CDH4: variants seen among roughly 807,000 people sequenced by gnomAD.
CDH4 encodes the protein cadherin-4.
In CDH4, 33 loss-of-function variants were observed where a neutral mutation model predicts 86.0. The ratio of observed to expected loss-of-function variants is 0.38; its 90% CI spans 0.29 to 0.51. The LOEUF is 0.51. Among genes scored for constraint, CDH4 ranks in the 20% least tolerant of loss-of-function variants. CDH4 has a pLI of 0.86. For missense variants in CDH4, 1,114 were observed against 1,307.4 expected (o/e 0.85, Z 2.28); for synonymous variants, 555 against 549.4 (o/e 1.01, Z -0.14).
At position 61,565,296 on chromosome 20, in the gene CDH4, TGGC is replaced by T. The variant is rs140699675; in HGVS notation, c.170-178264_170-178262del. On this transcript the variant is annotated intron_variant, in intron 2 of 15. Transcript: ENST00000614565. The stretch of plus-strand genomic sequence containing the variant: ...CCTCTTGGTGATGGGGTGATGGTGG[TGGC>T]GGTGCTCTTGGTGGTGGCGGTGCTC... Among the ~76,000 whole-genome samples the T allele has an allele frequency of 3.5e-3, 191 of 54,192 alleles. 15 individuals carry two copies. The highest frequency in any genetic ancestry group is 5.1e-3 in the Non-Finnish European group (137 of 26,876). 35.6% of individuals were successfully genotyped at this position (54,192 alleles called of 152,430 possible).
At chr20:61,764,362 T>C (rs2088673724) in intron 3 of CDH4, among the ~76,000 whole-genome samples, 1 of 152,224 alleles carries the variant, frequency 6.6e-6, no homozygotes, top group Non-Finnish European at 1.5e-5. Context: ...CATTTACCTC[T>C]CATCACTTCC....
chr20:61,567,555 T>TG (rs1297482157), intron 2 of CDH4, among the ~76,000 whole-genome samples: 2 of 152,174 alleles, frequency 1.3e-5, no homozygotes, highest in Admixed American at 6.5e-5. Flanking sequence ...ATCATCACCT[T>TG]GGGGCTTAGG....
At chr20:61,519,689 G>A (rs2085853964) in intron 2 of CDH4, among the ~76,000 whole-genome samples, 1 of 152,258 alleles carries the variant, frequency 6.6e-6, no homozygotes, top group Non-Finnish European at 1.5e-5. Context: ...CTCTAGATGG[G>A]TGTCTATTCT....
At chr20:61,549,912 C>A (rs1023744988) in intron 2 of CDH4, among the ~76,000 whole-genome samples, 4 of 152,186 alleles carry the variant, frequency 2.6e-5, no homozygotes, top group East Asian at 3.9e-4. Context: ...CAGCTGCCAC[C>A]CCCCTCAGTG....
chr20:61,597,738 G>T, intron 2 of CDH4, among the ~76,000 whole-genome samples: 1 of 152,330 alleles, frequency 6.6e-6, no homozygotes, highest in South Asian at 2.1e-4. Context: ...CAGGAGAGGG[G>T]CAGGGTGGCC....
intron 2 of CDH4, among the ~76,000 whole-genome samples, chr20:61,463,194 CTG>C (rs2085454087): frequency 6.6e-6 from 1 of 152,174 alleles, no homozygotes; most frequent in Non-Finnish European, 1.5e-5. Flanking sequence ...TCACGTGGAA[CTG>C]TGAGTCCATT....
intron 2 of CDH4, among the ~76,000 whole-genome samples, chr20:61,398,654 C>T (rs941816364): frequency 6.8e-6 from 1 of 147,982 alleles, no homozygotes; most frequent in African/African-American, 2.4e-5. Context: ...GAGTTTCATC[C>T]ACCTCACTCC....
chr20:61,462,874 G>A (rs190289230), intron 2 of CDH4, among the ~76,000 whole-genome samples: 1 of 152,338 alleles, frequency 6.6e-6, no homozygotes, highest in East Asian at 1.9e-4. Flanking sequence ...TCACCCGTCA[G>A]TCTTCAAAGG....
chr20:61,266,022 C>T (rs552209595), intron 2 of CDH4, among the ~76,000 whole-genome samples: 25 of 152,302 alleles, frequency 1.6e-4, no homozygotes, highest in African/African-American at 5.8e-4. Flanking sequence ...AACTCTTCCT[C>T]GTTTGGATTC....
Position 61,252,413 on chromosome 20 carries a change from CGGCGGCGATCGGAGCGGCGGCGGT to C in CDH4, c.-98_-75del. 4.6e-6 allele frequency: 2 copies of C among 435,628 alleles called. No individual in the cohort carries two copies. The highest frequency in any genetic ancestry group is 6.0e-6 in the Non-Finnish European group (2 of 333,088). The allele number at this position is 435,628 out of a possible 1,614,324, so 27.0% of individuals were successfully genotyped here. A position where few individuals can be genotyped will look rare whatever the true frequency, so the allele number is the denominator to read the frequency against. ...GGCAGGCGCGGGGGAGCGGCGGCGG[CGGCGGCGATCGGAGCGGCGGCGGT>C]GGTCTCGGCGGCGGCGGCGGCGGCG... is the stretch of plus-strand genomic sequence containing the variant. On this transcript the variant is annotated 5_prime_UTR_variant, in exon 1 of 16. Transcript: ENST00000614565. This position sits in a 1 kb window ranked among gnomAD's most constrained non-coding sequence, Gnocchi z 4.4.
intron 6 of CDH4, among the ~76,000 whole-genome samples, chr20:61,858,467 CTCTGTG>C (rs1214843178): frequency 2.1e-5 from 3 of 145,462 alleles, no homozygotes; most frequent in African/African-American, 5.4e-5. Context: ...CTGTGTGTGT[CTCTGTG>C]TCTGTGTCTC....
chr20:61,604,816 A>C (rs2086629931), intron 2 of CDH4, among the ~76,000 whole-genome samples: 1 of 152,114 alleles, frequency 6.6e-6, no homozygotes, highest in African/African-American at 2.4e-5. Flanking sequence ...GCTCCTGGTG[A>C]ATGTTGCTAT....
intron 2 of CDH4, among the ~76,000 whole-genome samples, chr20:61,431,962 C>T (rs970990631): frequency 2.0e-5 from 3 of 152,100 alleles, no homozygotes; most frequent in Admixed American, 1.3e-4. Flanking sequence ...GAGCTCTGTC[C>T]GCGTCATTGT....
chr20:61,280,441 C>A (rs1055429662), intron 2 of CDH4, among the ~76,000 whole-genome samples: 1 of 152,180 alleles, frequency 6.6e-6, no homozygotes, highest in African/African-American at 2.4e-5. Flanking sequence ...GCACACACAG[C>A]CCCTGCCTTG....
At chr20:61,814,554 C>A (rs1568830488) in intron 4 of CDH4, among the ~76,000 whole-genome samples, 1 of 152,230 alleles carries the variant, frequency 6.6e-6, no homozygotes, top group Non-Finnish European at 1.5e-5. Flanking sequence ...AGCTCATGTA[C>A]AGAGACAACA....
intron 2 of CDH4, among the ~76,000 whole-genome samples, chr20:61,483,754 G>A (rs1294489828): frequency 7.1e-6 from 1 of 140,180 alleles, no homozygotes; most frequent in South Asian, 2.3e-4. Flanking sequence ...GAGAAACCAT[G>A]TGACTGACAC....
chr20:61,873,703 A>G, intron 6 of CDH4, 25 bp from the exon 7 acceptor site: 1 of 1,605,376 alleles, frequency 6.2e-7, no homozygotes, highest in Non-Finnish European at 8.5e-7. Flanking sequence ...GGCCATCCCC[A>G]TCTGAGCTGC....
chr20:61,666,628 G>A (rs115683993), intron 2 of CDH4, among the ~76,000 whole-genome samples: 9 of 152,204 alleles, frequency 5.9e-5, no homozygotes, highest in Non-Finnish European at 1.2e-4. Context: ...TGTTGCTTCC[G>A]GAGGGCCAGC....
In CDH4 at chr20:61,714,062, T is replaced by TGTTATGTTATG. The variant is rs1237764006; in HGVS notation, c.170-29501_170-29500insGTTATGTTATG. 2.6e-3 allele frequency among the ~76,000 whole-genome samples: 395 copies of TGTTATGTTATG among 149,900 alleles called. 1 individual carries two copies. The highest frequency in any genetic ancestry group is 6.0e-3 in the South Asian group (28 of 4,644). The stretch of plus-strand genomic sequence containing the variant: ...TTTTATTTTATTTTATTTTATTTTA[T>TGTTATGTTATG]TTGAGATGGAGTCTCACTCTGTCGC... On this transcript the variant is annotated intron_variant, in intron 2 of 15. Transcript: ENST00000614565.
Sources: allele counts gnomAD v4.1 joint callset (sites outside exome capture counted in the v4.1 genomes callset), GRCh38; gene constraint gnomAD v4.1.1; non-coding constraint Gnocchi (gnomAD v3.1); transcripts MANE v1.5; gene names NCBI Gene and HGNC (gene_info 2026-07-23, HGNC 2026-07-21).